AHCY: variants seen among roughly 807,000 people sequenced by gnomAD.
AHCY encodes the protein S-adenosyl-L-homocysteine hydrolase.
AHCY carries 24 observed loss-of-function variants against 45.4 expected under a neutral mutation model. The observed-to-expected ratio is 0.53, with a 90% CI of 0.38 to 0.74. The LOEUF (loss-of-function observed/expected upper bound fraction) is 0.74, where lower values mean the gene tolerates loss of function less well. Among genes scored for constraint, AHCY ranks in the 30% least tolerant of loss-of-function variants. AHCY has a pLI of 0.00. For missense variants in AHCY, 449 were observed against 594.1 expected (o/e 0.76, Z 2.54); for synonymous variants, 245 against 235.1 (o/e 1.04, Z -0.39).
chr20:34,280,966 G>C lies in AHCY; in HGVS notation c.*68C>G. 1 of 1,606,472 alleles carries C rather than the reference G, an allele frequency of 6.2e-7. No individual in the cohort carries two copies. Among genetic ancestry groups the C allele is most frequent in the Non-Finnish European group, 8.5e-7 (1 of 1,176,492 alleles). On this transcript the variant is annotated 3_prime_UTR_variant, in exon 10 of 10. Coordinates refer to ENST00000217426, the MANE Select transcript of AHCY (RefSeq NM_000687.4). ...ACCAATCACAAAGTTGGTGCCATTA[G>C]CTCTTAGGGAGGAGAGGTGGGGCCT...
At chr20:34,279,391 G>T (rs2035943850), downstream of AHCY, among the ~76,000 whole-genome samples, 1 of 149,800 alleles carries the variant, frequency 6.7e-6, no homozygotes, top group Non-Finnish European at 1.5e-5. Context: ...ACTGCACTCT[G>T]CTGCCTGGGC....
chr20:34,261,480 A>G, the AHCY span, among the ~76,000 whole-genome samples: 1 of 152,204 alleles, frequency 6.6e-6, no homozygotes, highest in Non-Finnish European at 1.5e-5. Flanking sequence ...TTAAAAATAC[A>G]AAAATTAACC....
At chr20:34,261,664 T>C in the AHCY span, among the ~76,000 whole-genome samples, 1 of 151,162 alleles carries the variant, frequency 6.6e-6, no homozygotes. Context: ...TAGCCGGGAA[T>C]GGTGGTGCAT....
At chr20:34,238,657 T>G in the AHCY span, among the ~76,000 whole-genome samples, 1 of 152,150 alleles carries the variant, frequency 6.6e-6, no homozygotes, top group East Asian at 1.9e-4. Context: ...ATGAGGACTT[T>G]CAGAGCTTCT....
the AHCY span, among the ~76,000 whole-genome samples, chr20:34,235,918 G>GCGGGAGGGAGGGAA: frequency 7.7e-4 from 94 of 122,868 alleles, 21 homozygotes; most frequent in Middle Eastern, 8.5e-3. Context: ...AAGGAAGGAA[G>GCGGGAGGGAGGGAA]GAAGGAAGGA....
In AHCY at chr20:34,290,692, G is replaced by C. The variant is rs775084071; in HGVS notation, c.766+39C>G. 3.1e-6 allele frequency: 5 copies of C among 1,613,804 alleles called. No homozygotes were observed. The East Asian group carries it at 1.1e-4, about 36-fold the overall frequency. On this transcript the variant is annotated intron_variant, in intron 6 of 9. Coordinates refer to ENST00000217426, the MANE Select transcript of AHCY (RefSeq NM_000687.4). This position sits in a 1 kb window ranked among gnomAD's most constrained non-coding sequence, Gnocchi z 4.5. ...CTACGGTGGCCTTGCCCCTCCCTCT[G>C]GCCCCAGTGGCTGACAACCAACCCT...
chr20:34,305,954 C>T (rs1266202059), upstream of AHCY, among the ~76,000 whole-genome samples: 2 of 151,598 alleles, frequency 1.3e-5, no homozygotes, highest in African/African-American at 2.4e-5. Context: ...TGATGGTGCA[C>T]GTCTGTAAAC....
chr20:34,303,456 T>C, upstream of AHCY: 1 of 818,730 alleles, frequency 1.2e-6, no homozygotes, highest in South Asian at 1.7e-5. Flanking sequence ...CCGGAGGGGA[T>C]TTCGATCCCT....
chr20:34,236,771 G>A, the AHCY span, among the ~76,000 whole-genome samples: 2 of 152,176 alleles, frequency 1.3e-5, no homozygotes, highest in African/African-American at 4.8e-5. Flanking sequence ...AGAATTTTGG[G>A]AAACTCTAGA....
At chr20:34,272,150 AC>A in the AHCY span, among the ~76,000 whole-genome samples, 7 of 152,108 alleles carry the variant, frequency 4.6e-5, no homozygotes, top group Non-Finnish European at 1.0e-4. Context: ...CAGTCCTTGC[AC>A]TGGACCATTC....
At chr20:34,292,773 C>T (rs2036442569) in intron 3 of AHCY, among the ~76,000 whole-genome samples, 1 of 152,226 alleles carries the variant, frequency 6.6e-6, no homozygotes, top group African/African-American at 2.4e-5. Context: ...GTAAATAGGG[C>T]TCACAATAGT....
At chr20:34,307,971 G>A (rs2036913104), upstream of AHCY, among the ~76,000 whole-genome samples, 1 of 151,532 alleles carries the variant, frequency 6.6e-6, no homozygotes, top group Non-Finnish European at 1.5e-5. Flanking sequence ...CCTCAAATAG[G>A]GCCCATGTCC....
chr20:34,302,166 A>G (rs1022247397), intron 1 of AHCY, among the ~76,000 whole-genome samples: 5 of 151,910 alleles, frequency 3.3e-5, no homozygotes, highest in African/African-American at 1.2e-4. Flanking sequence ...ACGCCCAGCT[A>G]GTTTTTGTAT....
At position 34,280,826 on chromosome 20, in the gene AHCY, G is replaced by A. The variant is rs546058381; in HGVS notation, c.*208C>T. 8.7e-6 allele frequency: 6 copies of A among 687,146 alleles called. No individual in the cohort carries two copies. Among genetic ancestry groups the A allele is most frequent in the South Asian group, 5.5e-5 (3 of 54,428 alleles). The allele number at this position is 687,146 out of a possible 1,614,324, so 42.6% of individuals were successfully genotyped here. The stretch of plus-strand genomic sequence containing the variant: ...TGTGGCTGGGACCTCCATCATGACC[G>A]GGGCTTGAAGAGGGTACTCTGTTCC... On this transcript the variant is annotated 3_prime_UTR_variant, in exon 10 of 10. Transcript: ENST00000217426.
chr20:34,242,231 A>AT, the AHCY span, among the ~76,000 whole-genome samples: 1 of 151,104 alleles, frequency 6.6e-6, no homozygotes, highest in Admixed American at 6.6e-5. Context: ...ATTTTATTTT[A>AT]TTTATTTACT....
chr20:34,245,124 A>G, the AHCY span, among the ~76,000 whole-genome samples: 3 of 151,936 alleles, frequency 2.0e-5, no homozygotes, highest in African/African-American at 4.8e-5. Context: ...TCACGAGGTC[A>G]GGAGTTCGAG....
the AHCY span, among the ~76,000 whole-genome samples, chr20:34,253,348 C>T: frequency 2.6e-5 from 4 of 151,760 alleles, no homozygotes; most frequent in Non-Finnish European, 4.4e-5. Flanking sequence ...CCTCATGATC[C>T]GCCTGCCTCA....
the AHCY span, among the ~76,000 whole-genome samples, chr20:34,254,070 G>A: frequency 0.016 from 2,321 of 147,380 alleles, 32 homozygotes; most frequent in Non-Finnish European, 0.026. Flanking sequence ...GTTTTGTTTC[G>A]TTTTTTTTTT....
the AHCY span, among the ~76,000 whole-genome samples, chr20:34,246,946 T>C: frequency 3.9e-5 from 6 of 151,998 alleles, no homozygotes; most frequent in African/African-American, 9.7e-5. Context: ...TTTATGTTTT[T>C]AGTTTTTTTT....
Sources: allele counts gnomAD v4.1 joint callset (sites outside exome capture counted in the v4.1 genomes callset), GRCh38; gene constraint gnomAD v4.1.1; non-coding constraint Gnocchi (gnomAD v3.1); transcripts MANE v1.5; gene names NCBI Gene and HGNC (gene_info 2026-07-23, HGNC 2026-07-21).